Variants in BACE2 observed in about 807,000 individuals in gnomAD.
BACE2 encodes the protein beta-secretase 2, also known as 56 kDa aspartic-like protease.
BACE2 carries 17 observed loss-of-function variants against 46.2 expected under a neutral mutation model. The ratio of observed to expected loss-of-function variants is 0.37; its 90% CI spans 0.25 to 0.55. BACE2 has a LOEUF of 0.55. Among genes scored for constraint, BACE2 ranks in the 20% least tolerant of loss-of-function variants. The pLI, the probability that BACE2 is intolerant of heterozygous loss-of-function variation, is 0.82. For missense variants in BACE2, 595 were observed against 698.1 expected (o/e 0.85, Z 1.66); for synonymous variants, 277 against 295.9 (o/e 0.94, Z 0.66).
rs913694146 is a variant in BACE2 at position 41,193,441 on chromosome 21, G to T, written c.312+24866G>T. On this transcript the variant is annotated intron_variant, in intron 1 of 8. Transcript: ENST00000330333. The surrounding 1 kb of genome is among the most constrained non-coding windows in gnomAD (Gnocchi z 4.2). ...ATTCTCCAAGATCCGTCTGTCTTCT[G>T]CACAGGCCAGATGGGAGAGTTGAAT... is the stretch of plus-strand genomic sequence containing the variant. Among the ~76,000 whole-genome samples the T allele has an allele frequency of 6.6e-6, 1 of 152,342 alleles. No individual in the cohort carries two copies. Among genetic ancestry groups the T allele is most frequent in the African/African-American group, 2.4e-5 (1 of 41,576 alleles).
intron 7 of BACE2, among the ~76,000 whole-genome samples, chr21:41,255,606 C>T (rs555758719): frequency 1.2e-4 from 18 of 152,256 alleles, no homozygotes; most frequent in African/African-American, 4.3e-4. Context: ...TTGGAAGCCT[C>T]GAGGGAGCAG....
chr21:41,181,291 A>G (rs76961289), intron 1 of BACE2: 9,126 of 167,146 alleles, frequency 0.055, 541 homozygotes, highest in African/African-American at 0.15. Flanking sequence ...GGGCACCAAG[A>G]GAAGCCCTGC....
chr21:41,229,644 ACC>A (rs10538460), intron 2 of BACE2, among the ~76,000 whole-genome samples: 13,420 of 152,192 alleles, frequency 0.088, 1,907 homozygotes, highest in African/African-American at 0.3. Flanking sequence ...TAGACAACCC[ACC>A]GCATCTTTCT....
chr21:41,177,872 G>C (rs1004704437), intron 1 of BACE2: 1 of 152,448 alleles, frequency 6.6e-6, no homozygotes. Flanking sequence ...GTGGCCCCAC[G>C]ATGCTGCCTC....
At chr21:41,204,295 C>A (rs1986057440) in intron 1 of BACE2, among the ~76,000 whole-genome samples, 1 of 152,026 alleles carries the variant, frequency 6.6e-6, no homozygotes, top group African/African-American at 2.4e-5. Flanking sequence ...GCCACCTCGG[C>A]CCCCCAAAAT....
intron 8 of BACE2, among the ~76,000 whole-genome samples, chr21:41,261,305 C>T (rs1987929207): frequency 6.6e-6 from 1 of 152,150 alleles, no homozygotes; most frequent in African/African-American, 2.4e-5. Context: ...TTGTGTTTTG[C>T]TAATCCATGT....
chr21:41,200,357 GTTAGT>G lies in BACE2; in HGVS notation c.313-25905_313-25901del, dbSNP rs1417572999. ...ATATTTCGATCATTTAAATTCAGAT[GTTAGT>G]TTACCTCGGTTTGTGGAGAATGGAC... On this transcript the variant is annotated intron_variant, in intron 1 of 8. Transcript: ENST00000330333. 7.9e-5 allele frequency among the ~76,000 whole-genome samples: 12 copies of G among 152,242 alleles called. No individual in the cohort carries two copies. In the South Asian group the frequency reaches 8.3e-4, roughly 11 times the overall value.
chr21:41,195,688 A>C (rs866279346), intron 1 of BACE2, among the ~76,000 whole-genome samples: 2 of 152,296 alleles, frequency 1.3e-5, no homozygotes, highest in South Asian at 4.2e-4. Context: ...CTCCTCCCCG[A>C]CTATAGACCG....
intron 1 of BACE2, among the ~76,000 whole-genome samples, chr21:41,220,510 A>C (rs1986610422): frequency 6.6e-6 from 1 of 152,130 alleles, no homozygotes; most frequent in African/African-American, 2.4e-5. Context: ...CACTTTGGAG[A>C]TTCCAGAGAT....
At position 41,233,017 on chromosome 21, in the gene BACE2, C is replaced by T. The variant is rs538004261; in HGVS notation, c.402-4496C>T. Among the ~76,000 whole-genome samples the T allele has an allele frequency of 2.1e-3, 318 of 152,068 alleles. 2 individuals are homozygous for T. The highest frequency in any genetic ancestry group is 7.3e-3 in the African/African-American group (303 of 41,490). ...CCGAGTAGCTGGGACTACAGGCGCC[C>T]GCCACCACACTTGGCTAATTTTTTG... is the stretch of plus-strand genomic sequence containing the variant. On this transcript the variant is annotated intron_variant, in intron 2 of 8. Transcript: ENST00000330333.
chr21:41,228,871 A>G (rs1344122383), intron 2 of BACE2, among the ~76,000 whole-genome samples: 1 of 152,258 alleles, frequency 6.6e-6, no homozygotes, highest in Non-Finnish European at 1.5e-5. Flanking sequence ...CTGGATTTCC[A>G]TAGTAGCGAA....
At chr21:41,202,053 C>T (rs1320932940) in intron 1 of BACE2, among the ~76,000 whole-genome samples, 1 of 152,098 alleles carries the variant, frequency 6.6e-6, no homozygotes, top group Non-Finnish European at 1.5e-5. Context: ...TTGTATAATT[C>T]CTGTTTTAGG....
intron 3 of BACE2, among the ~76,000 whole-genome samples, chr21:41,240,745 G>A (rs1020375583): frequency 2.0e-5 from 3 of 152,222 alleles, no homozygotes; most frequent in African/African-American, 2.4e-5. Flanking sequence ...TATGGAAATC[G>A]TGCTAGATTC....
chr21:41,169,818 T>C (rs1984538087), intron 1 of BACE2, among the ~76,000 whole-genome samples: 4 of 152,164 alleles, frequency 2.6e-5, no homozygotes, highest in Admixed American at 2.6e-4. Context: ...GTCTAAGTCA[T>C]GGGAAGCCAC....
At chr21:41,212,592 C>A (rs1986334188) in intron 1 of BACE2, among the ~76,000 whole-genome samples, 1 of 152,162 alleles carries the variant, frequency 6.6e-6, no homozygotes, top group Non-Finnish European at 1.5e-5. Context: ...GGGCTCAACC[C>A]CACCAAGGAC....
intron 1 of BACE2, among the ~76,000 whole-genome samples, chr21:41,210,850 C>T (rs1240327387): frequency 6.6e-6 from 1 of 152,206 alleles, no homozygotes; most frequent in Non-Finnish European, 1.5e-5. Context: ...ATGCGTGCAT[C>T]AGGACCACCT....
At chr21:41,208,286 G>A (rs1002367164) in intron 1 of BACE2, among the ~76,000 whole-genome samples, 1 of 152,232 alleles carries the variant, frequency 6.6e-6, no homozygotes, top group African/African-American at 2.4e-5. Flanking sequence ...GGGAATGTGG[G>A]CAGTGCACGC....
intron 1 of BACE2, among the ~76,000 whole-genome samples, chr21:41,207,245 C>T (rs537949760): frequency 2.0e-5 from 3 of 152,176 alleles, no homozygotes; most frequent in South Asian, 2.1e-4. Context: ...CTTTAGTTGT[C>T]GCTTGGGAAA....
intron 8 of BACE2, among the ~76,000 whole-genome samples, chr21:41,259,962 G>T (rs1019998612): frequency 1.3e-5 from 2 of 151,438 alleles, no homozygotes; most frequent in African/African-American, 4.9e-5. Flanking sequence ...CTCCTGAGTA[G>T]CTGGGACTAC....
Sources: allele counts gnomAD v4.1 joint callset (sites outside exome capture counted in the v4.1 genomes callset), GRCh38; gene constraint gnomAD v4.1.1; non-coding constraint Gnocchi (gnomAD v3.1); transcripts MANE v1.5; gene names NCBI Gene and HGNC (gene_info 2026-07-23, HGNC 2026-07-21).